The following MFSD8 variants were observed in gnomAD, a reference collection of about 807,000 sequenced individuals.
The protein encoded by MFSD8 is major facilitator superfamily domain-containing protein 8.
A neutral mutation model predicts 66.4 loss-of-function variants in MFSD8; 55 were observed. The observed-to-expected ratio is 0.83, with a 90% CI of 0.67 to 1.04. MFSD8 has a LOEUF of 1.04. Ranked by LOEUF, MFSD8 falls within the 50% of genes least tolerant of loss-of-function variation. The probability of loss-of-function intolerance (pLI) is 0.00; values close to 1 mark genes in which losing one functional copy is unlikely to be tolerated. For synonymous variants in MFSD8, 202 were observed against 212.8 expected, an observed-to-expected ratio of 0.95 and a Z score of 0.44; for missense variants, 550 against 627.6, an observed-to-expected ratio of 0.88 and a Z score of 1.32.
chr4:127,964,499 C>T (rs1381031189), intron 1 of MFSD8, among the ~76,000 whole-genome samples: 5 of 152,230 alleles, frequency 3.3e-5, no homozygotes, highest in Admixed American at 3.3e-4. Flanking sequence ...CCCTCATTGC[C>T]CGGGGCCGGC....
At chr4:127,922,212 T>C (rs1736439048) in intron 9 of MFSD8, among the ~76,000 whole-genome samples, 1 of 152,184 alleles carries the variant, frequency 6.6e-6, no homozygotes, top group Admixed American at 6.5e-5. Flanking sequence ...AAGTTATCAG[T>C]GACTACTAGG....
chr4:127,957,955 C>G (rs1250433066), intron 1 of MFSD8, among the ~76,000 whole-genome samples: 1 of 152,108 alleles, frequency 6.6e-6, no homozygotes, highest in Admixed American at 6.6e-5. Context: ...ACAACTAGAT[C>G]CCCCGTAGCT....
chr4:127,961,109 C>A (rs1471674185), intron 1 of MFSD8, among the ~76,000 whole-genome samples: 1 of 152,050 alleles, frequency 6.6e-6, no homozygotes, highest in Non-Finnish European at 1.5e-5. Context: ...CTCCACCAGA[C>A]CAGCAAATAA....
chr4:127,941,293 G>A (rs1429399643), intron 5 of MFSD8, among the ~76,000 whole-genome samples: 4 of 152,100 alleles, frequency 2.6e-5, no homozygotes, highest in African/African-American at 9.7e-5. Flanking sequence ...GGGGGTGGGA[G>A]ATGGGGTGTT....
intron 8 of MFSD8, 123 bp from the exon 9 acceptor site, chr4:127,930,940 C>A (rs1738018504): frequency 1.1e-6 from 1 of 937,332 alleles, no homozygotes; most frequent in Non-Finnish European, 1.5e-6. Context: ...TTAGCAATGA[C>A]AACAGACCTA....
At chr4:127,955,432 C>CTGGG (rs944992636) in intron 2 of MFSD8, among the ~76,000 whole-genome samples, 1 of 151,204 alleles carries the variant, frequency 6.6e-6, no homozygotes, top group Non-Finnish European at 1.5e-5. Flanking sequence ...TCCCAGCTAC[C>CTGGG]TGGGAGGCTG....
chr4:127,931,646 C>T (rs573506689), intron 8 of MFSD8, among the ~76,000 whole-genome samples: 5 of 152,260 alleles, frequency 3.3e-5, no homozygotes, highest in East Asian at 1.9e-4. Context: ...CGTGAGCCAC[C>T]GCACCCAGTC....
rs140732035 is a variant in MFSD8 at position 127,920,669 on chromosome 4, G to A, written c.1518C>T (p.Leu506=). Residue 506 remains leucine, a synonymous_variant, in exon 12 of 12, where the codon CTC becomes CTT. Transcript: ENST00000641686. ...TCCCATATCTTACAGAAAGAGCAAT[G>A]AGTCTTTTGTAAACCACTCCCAGGA... ...ITLLGVVYKR[L]IALSVRYGRI... The A allele has an allele frequency of 1.7e-5, 27 of 1,613,984 alleles. No homozygotes were observed. Among genetic ancestry groups the A allele is most frequent in the Non-Finnish European group, 2.5e-6 (3 of 1,179,996 alleles).
chr4:127,934,664 C>T (rs1439986681), intron 7 of MFSD8: 3 of 150,926 alleles, frequency 2.0e-5, no homozygotes, highest in Non-Finnish European at 2.9e-5. Context: ...AATGCAACCC[C>T]CAACTCCCGG....
Position 127,942,179 on chromosome 4 carries a change from A to G in MFSD8, c.440-21T>C, listed in dbSNP as rs181391326. The G allele has an allele frequency of 1.3e-4, 206 of 1,544,872 alleles. No homozygotes were observed. The African/African-American group carries it at 2.4e-3, about 18-fold the overall frequency. ...ATTTCCTTAAAAACAAGACACAATA[A>G]TCCAAAGTAAAAGAAAGTATCATTC... is the stretch of plus-strand genomic sequence containing the variant. On this transcript the variant is annotated intron_variant, in intron 4 of 11. Transcript: ENST00000641686.
intron 1 of MFSD8, chr4:127,964,511 G>C (rs1553957442): frequency 6.0e-6 from 1 of 165,506 alleles, no homozygotes; most frequent in Non-Finnish European, 1.3e-5. Flanking sequence ...GGGGCCGGCA[G>C]GGCCGGCCTG....
chr4:127,928,181 A>G (rs781103537), intron 9 of MFSD8, among the ~76,000 whole-genome samples: 11 of 152,158 alleles, frequency 7.2e-5, no homozygotes, highest in Non-Finnish European at 2.9e-5. Flanking sequence ...CCTCCTGAGT[A>G]GCTGGGACTA....
intron 9 of MFSD8, among the ~76,000 whole-genome samples, chr4:127,929,895 G>A (rs1737848268): frequency 6.6e-6 from 1 of 152,124 alleles, no homozygotes; most frequent in Non-Finnish European, 1.5e-5. Context: ...TTATACGAAT[G>A]TATCAAATGA....
intron 7 of MFSD8, 105 bp downstream of exon 7, chr4:127,938,678 C>T: frequency 2.9e-6 from 2 of 679,714 alleles, no homozygotes; most frequent in East Asian, 3.0e-5. Flanking sequence ...CAATCACCCA[C>T]TGTGTTGTCC....
chr4:127,934,989 T>A (rs897487683), intron 7 of MFSD8, among the ~76,000 whole-genome samples: 5 of 152,318 alleles, frequency 3.3e-5, no homozygotes, highest in African/African-American at 1.2e-4. Context: ...TTCTATGATT[T>A]TTTTCATAAT....
intron 1 of MFSD8, among the ~76,000 whole-genome samples, chr4:127,964,279 G>A (rs1488406257): frequency 1.3e-5 from 2 of 152,250 alleles, no homozygotes; most frequent in East Asian, 3.9e-4. Flanking sequence ...AGGCACCGTG[G>A]AGTAGGGAGC....
chr4:127,921,024 A>G (rs1736269758), intron 11 of MFSD8, 188 bp from the exon 12 acceptor site: 1 of 616,214 alleles, frequency 1.6e-6, no homozygotes, highest in Admixed American at 3.0e-5. Flanking sequence ...AAAAAAATAA[A>G]AGGAGTGTAA....
chr4:127,953,558 T>G (rs1263157878), intron 2 of MFSD8, among the ~76,000 whole-genome samples: 9 of 138,916 alleles, frequency 6.5e-5, no homozygotes, highest in African/African-American at 1.9e-4. Context: ...TTTTTTTTTT[T>G]TTTTTTTTTT....
intron 7 of MFSD8, among the ~76,000 whole-genome samples, chr4:127,936,163 G>C (rs1048642521): frequency 6.6e-6 from 1 of 151,880 alleles, no homozygotes; most frequent in African/African-American, 2.4e-5. Context: ...CACCCAGGCT[G>C]GAGTACGTGG....
Sources: gnomAD v4.1 joint callset for allele counts (sites outside exome capture counted in the v4.1 genomes callset) on GRCh38, gnomAD v4.1.1 for gene constraint, MANE v1.5 for transcripts, NCBI Gene and HGNC (gene_info 2026-07-23, HGNC 2026-07-21) for gene names.